PPARGC1A: variants seen among roughly 807,000 people sequenced by gnomAD.
PPARGC1A encodes the protein PPARG coactivator 1 alpha, also known as peroxisome proliferator-activated receptor gamma coactivator 1-alpha.
PPARGC1A carries 25 observed loss-of-function variants against 88.7 expected under a neutral mutation model. That is an observed-to-expected ratio of 0.28 (90% CI 0.21 to 0.39). PPARGC1A has a LOEUF of 0.39. PPARGC1A is among the 10% of genes least tolerant of loss of function. The pLI is 1.00. For missense variants in PPARGC1A, 880 were observed against 968.7 expected, an observed-to-expected ratio of 0.91 and a Z score of 1.22; for synonymous variants, 363 against 355.6, an observed-to-expected ratio of 1.02 and a Z score of -0.24.
the PPARGC1A span, among the ~76,000 whole-genome samples, chr4:24,037,851 A>G: frequency 6.6e-6 from 1 of 152,206 alleles, no homozygotes; most frequent in African/African-American, 2.4e-5. Flanking sequence ...TCTAAATACT[A>G]AAAAGCAGAA....
At chr4:24,131,863 C>G in the PPARGC1A span, among the ~76,000 whole-genome samples, 70 of 152,284 alleles carry the variant, frequency 4.6e-4, no homozygotes, top group African/African-American at 1.4e-3. Flanking sequence ...ATGACGTAAG[C>G]AGAGGTCAGC....
At chr4:24,146,051 G>C in the PPARGC1A span, among the ~76,000 whole-genome samples, 2 of 152,172 alleles carry the variant, frequency 1.3e-5, no homozygotes, top group Non-Finnish European at 1.5e-5. Flanking sequence ...ATGTTAAAAA[G>C]AGTTAAGCAG....
At chr4:24,430,482 C>G in the PPARGC1A span, among the ~76,000 whole-genome samples, 208 of 151,840 alleles carry the variant, frequency 1.4e-3, 1 homozygote, top group African/African-American at 4.4e-3. Flanking sequence ...AGGATGGTCT[C>G]GATCTCCTGA....
the PPARGC1A span, among the ~76,000 whole-genome samples, chr4:24,245,545 A>G: frequency 3.9e-5 from 6 of 152,202 alleles, no homozygotes; most frequent in African/African-American, 1.2e-4. Context: ...AATGATGCCA[A>G]GTTCATTCCC....
At chr4:24,323,382 GA>G in the PPARGC1A span, among the ~76,000 whole-genome samples, 1 of 152,070 alleles carries the variant, frequency 6.6e-6, no homozygotes, top group African/African-American at 2.4e-5. Context: ...CAAAAGAAGT[GA>G]AAAGGCCCTG....
chr4:24,063,330 C>T, the PPARGC1A span, among the ~76,000 whole-genome samples: 1 of 152,130 alleles, frequency 6.6e-6, no homozygotes. Context: ...GATGAGACCG[C>T]TTTTCTTGCC....
At chr4:24,053,174 A>AT in the PPARGC1A span, among the ~76,000 whole-genome samples, 18 of 148,678 alleles carry the variant, frequency 1.2e-4, no homozygotes, top group East Asian at 1.2e-3. Flanking sequence ...CCTGGCCCAG[A>AT]TTTTTTTTTT....
At chr4:23,803,463 TATC>T (rs1157240418) in intron 10 of PPARGC1A, among the ~76,000 whole-genome samples, 1 of 152,188 alleles carries the variant, frequency 6.6e-6, no homozygotes, top group Non-Finnish European at 1.5e-5. Flanking sequence ...GTGGAGTCAA[TATC>T]ATCATAGTCT....
chr4:24,166,553 G>A, the PPARGC1A span, among the ~76,000 whole-genome samples: 1 of 152,204 alleles, frequency 6.6e-6, no homozygotes, highest in South Asian at 2.1e-4. Context: ...AGTGGAGTTG[G>A]TGACTTTAAG....
chr4:24,001,738 T>A, the PPARGC1A span, among the ~76,000 whole-genome samples: 2 of 152,058 alleles, frequency 1.3e-5, no homozygotes, highest in Non-Finnish European at 2.9e-5. Context: ...CTTCAGGAGC[T>A]TTAACTGCTA....
the PPARGC1A span, among the ~76,000 whole-genome samples, chr4:23,910,276 A>T: frequency 1.5e-5 from 1 of 67,026 alleles, no homozygotes; most frequent in Non-Finnish European, 3.7e-5. Context: ...ATATATATTA[A>T]CCCTATATAT....
At chr4:23,824,868 T>C (rs911245351) in intron 5 of PPARGC1A, among the ~76,000 whole-genome samples, 1 of 152,118 alleles carries the variant, frequency 6.6e-6, no homozygotes. Context: ...AGAGCAACTA[T>C]AAGGCGACAG....
the PPARGC1A span, among the ~76,000 whole-genome samples, chr4:23,952,978 A>T: frequency 8.6e-5 from 13 of 152,012 alleles, no homozygotes; most frequent in African/African-American, 2.9e-4. Flanking sequence ...TTATATTACT[A>T]CTATAATGCA....
chr4:23,862,387 A>C (rs1731358557), intron 2 of PPARGC1A, among the ~76,000 whole-genome samples: 1 of 152,206 alleles, frequency 6.6e-6, no homozygotes, highest in African/African-American at 2.4e-5. Context: ...AATTTGAAAG[A>C]AGCTGGGAGT....
chr4:23,835,376 C>A (rs1404843198), intron 2 of PPARGC1A, among the ~76,000 whole-genome samples: 1 of 151,948 alleles, frequency 6.6e-6, no homozygotes, highest in Non-Finnish European at 1.5e-5. Flanking sequence ...TTTATAAGAT[C>A]TGATTAAACC....
At chr4:24,099,481 G>A in the PPARGC1A span, among the ~76,000 whole-genome samples, 18 of 152,220 alleles carry the variant, frequency 1.2e-4, 1 homozygote, top group East Asian at 2.3e-3. Context: ...ACTCTCTGCA[G>A]CCAGGCAAGG....
chr4:24,133,528 G>A, the PPARGC1A span, among the ~76,000 whole-genome samples: 7 of 152,174 alleles, frequency 4.6e-5, no homozygotes, highest in Non-Finnish European at 8.8e-5. Flanking sequence ...TCGTTATCAC[G>A]TCTTCGTTGA....
At chr4:24,073,174 T>A in the PPARGC1A span, among the ~76,000 whole-genome samples, 1 of 152,190 alleles carries the variant, frequency 6.6e-6, no homozygotes, top group Non-Finnish European at 1.5e-5. Context: ...CCCAAGTAGC[T>A]GGGACTACAG....
chr4:24,084,256 T>A, the PPARGC1A span, among the ~76,000 whole-genome samples: 1 of 152,218 alleles, frequency 6.6e-6, no homozygotes, highest in African/African-American at 2.4e-5. Flanking sequence ...TCCTGCAAAG[T>A]TCTAGGCTAT....
Sources: gnomAD v4.1 joint callset for allele counts (sites outside exome capture counted in the v4.1 genomes callset) on GRCh38, gnomAD v4.1.1 for gene constraint, MANE v1.5 for transcripts, NCBI Gene and HGNC (gene_info 2026-07-23, HGNC 2026-07-21) for gene names.